RAB42: variants seen among roughly 807,000 people sequenced by gnomAD.
RAB42 encodes RAB42, member RAS oncogene family.
A neutral mutation model predicts 7.5 loss-of-function variants in RAB42; 4 were observed. That is an observed-to-expected ratio of 0.53 (90% CI 0.26 to 1.22). The LOEUF is 1.22. Ranked by LOEUF, RAB42 falls within the 50% of genes most tolerant of loss-of-function variation. The pLI, the probability that RAB42 is intolerant of heterozygous loss-of-function variation, is 0.13. For synonymous variants in RAB42, 82 were observed against 129.0 expected, an observed-to-expected ratio of 0.64 and a Z score of 2.47; for missense variants, 208 against 281.2, an observed-to-expected ratio of 0.74 and a Z score of 1.86.
At chr1:28,596,170 G>T (rs1190657195), downstream of RAB42, among the ~76,000 whole-genome samples, 1 of 151,680 alleles carries the variant, frequency 6.6e-6, no homozygotes, top group Non-Finnish European at 1.5e-5. Flanking sequence ...GTTTTATTTT[G>T]TGGGGGGTGG....
rs1213213741 is a variant in RAB42, at chr1:28,595,227, A to T, written c.*1110A>T. On this transcript the variant is annotated 3_prime_UTR_variant, in exon 2 of 2. Coordinates refer to ENST00000465518, the MANE Select transcript of RAB42 (RefSeq NM_001193532.3). ...CCTCCCTTCAGGGCAGCTTGTATCC[A>T]AAGTTCATCTCCTGGGGGGCCTTAA... 1 of 166,986 alleles carries T rather than the reference A, an allele frequency of 6.0e-6. No individual in the cohort carries two copies. The highest frequency in any genetic ancestry group is 1.5e-5 in the Non-Finnish European group (1 of 68,120). 10.3% of individuals were successfully genotyped at this position (166,986 alleles called of 1,614,324 possible).
Position 28,593,827 on chromosome 1 carries a change from A to G in RAB42, c.367A>G (p.Ile123Val), listed in dbSNP as rs778486046. Residue 123 changes from isoleucine (I) to valine (V), a missense_variant, in exon 2 of 2, where the codon ATC becomes GTC. By Grantham distance (29) the Ile-to-Val change is conservative (BLOSUM62 3). Coordinates refer to ENST00000465518, the MANE Select transcript of RAB42 (RefSeq NM_001193532.3). ...VMATQGPDKVIFLLVGHKSDL... is the reference protein window; with the variant it reads ...VMATQGPDKVVFLLVGHKSDL... ...GGCCACTCAGGGCCCGGACAAGGTCATCTTCCTGCTGGTTGGCCACAAGAG... is the reference window on the plus strand; with the variant it reads ...GGCCACTCAGGGCCCGGACAAGGTCGTCTTCCTGCTGGTTGGCCACAAGAG... 1.5e-5 allele frequency: 23 copies of G among 1,576,934 alleles called. No individual in the cohort carries two copies. The highest frequency in any genetic ancestry group is 2.0e-5 in the Non-Finnish European group (23 of 1,161,644).
chr1:28,595,293 C>T lies in RAB42; in HGVS notation c.*1176C>T, dbSNP rs1666415478. The T allele has an allele frequency of 6.0e-6, 1 of 167,090 alleles. No homozygotes were observed. The highest frequency in any genetic ancestry group is 2.1e-4 in the South Asian group (1 of 4,804). The allele number at this position is 167,090 out of a possible 1,614,324, so 10.4% of individuals were successfully genotyped here. A position where few individuals can be genotyped will look rare whatever the true frequency, so the allele number is the denominator to read the frequency against. On this transcript the variant is annotated 3_prime_UTR_variant, in exon 2 of 2. Transcript: ENST00000465518. ...CCCAGCTCTGGACAACTCTGAAAGT[C>T]AAAACCAACTTTATCAGTCTCTGTG... is the stretch of plus-strand genomic sequence containing the variant.
chr1:28,593,355 C>T (rs1017720963), intron 1 of RAB42, among the ~76,000 whole-genome samples: 1 of 152,142 alleles, frequency 6.6e-6, no homozygotes, highest in Non-Finnish European at 1.5e-5. Context: ...AGGCGCCCGC[C>T]ACCACGCCCG....
chr1:28,593,998 G>A lies in RAB42; in HGVS notation c.538G>A (p.Ala180Thr), dbSNP rs750123180. Residue 180 changes from alanine (A) to threonine (T), a missense_variant, in exon 2 of 2, where the codon GCC (alanine) becomes ACC (threonine). By Grantham distance (58) the Ala-to-Thr change is moderately conservative. Transcript: ENST00000465518. ...FDTLADAIQQALQQGDIKLEE... is the reference protein window; with the variant it reads ...FDTLADAIQQTLQQGDIKLEE... ...CACCCTCGCTGATGCTATCCAGCAG[G>A]CCCTGCAGCAGGGGGACATCAAGCT... 3 of 1,613,952 alleles carry A rather than the reference G, an allele frequency of 1.9e-6. No individual in the cohort carries two copies. The highest frequency in any genetic ancestry group is 2.2e-5 in the East Asian group (1 of 44,866).
Position 28,592,316 on chromosome 1 carries a change from T to C in RAB42, c.-196T>C, listed in dbSNP as rs1295534167. 5.1e-6 allele frequency: 1 copy of C among 195,456 alleles called. No homozygotes were observed. Among genetic ancestry groups the C allele is most frequent in the Non-Finnish European group, 1.0e-5 (1 of 97,618 alleles). 12.1% of individuals were successfully genotyped at this position (195,456 alleles called of 1,614,324 possible). Reference sequence around the variant, plus strand: ...GTAGGGGTCATCATTAGCCCCCTTTTACAGAGGAGAGAATTGAGGCTTCGA... The same window carrying C: ...GTAGGGGTCATCATTAGCCCCCTTTCACAGAGGAGAGAATTGAGGCTTCGA... On this transcript the variant is annotated 5_prime_UTR_variant, in exon 1 of 2. Coordinates refer to ENST00000465518, the MANE Select transcript of RAB42 (RefSeq NM_001193532.3). The surrounding 1 kb of genome is among the most constrained non-coding windows in gnomAD (Gnocchi z 4.1).
chr1:28,592,667 C>T lies in RAB42; in HGVS notation c.156C>T (p.Tyr52=). 8.1e-7 allele frequency: 1 copy of T among 1,228,330 alleles called. No homozygotes were observed. The highest frequency in any genetic ancestry group is 1.0e-6 in the Non-Finnish European group (1 of 985,834). The allele number at this position is 1,228,330 out of a possible 1,614,324, so 76.1% of individuals were successfully genotyped here. A position where few individuals can be genotyped will look rare whatever the true frequency, so the allele number is the denominator to read the frequency against. ...AGCCCACGGTGGGCGCCGAGTGCTA[C>T]CGCCGCGCGCTGCAGCTGCGGGCCG... The part of the protein sequence containing the change: ...EPEPTVGAEC[Y]RRALQLRAGP... Residue 52 remains tyrosine, a synonymous_variant, in exon 1 of 2, where the codon TAC becomes TAT. Transcript: ENST00000465518. The surrounding 1 kb of genome is among the most constrained non-coding windows in gnomAD (Gnocchi z 4.1).
Position 28,593,682 on chromosome 1 carries a change from C to T in RAB42, c.234-12C>T, listed in dbSNP as rs1666369349. The T allele has an allele frequency of 2.6e-6, 4 of 1,526,030 alleles. No individual in the cohort carries two copies. The highest frequency in any genetic ancestry group is 3.5e-6 in the Non-Finnish European group (4 of 1,131,956). 94.5% of individuals were successfully genotyped at this position (1,526,030 alleles called of 1,614,324 possible). ...TCTCCCAGCTTACCTTTCCACCTCC[C>T]TGCCTCCCCAGGTGCATCACCAGGT... On this transcript the variant is annotated splice_polypyrimidine_tract_variant and intron_variant, in intron 1 of 1. Transcript: ENST00000465518.
Position 28,594,037 on chromosome 1 carries a change from G to C in RAB42, c.577G>C (p.Gly193Arg), listed in dbSNP as rs1306538269. ...GGACATCAAGCTAGAAGAGGGCTGG[G>C]GGGGTGTCCGGCTCATCCACAAGAC... Reference protein sequence around the residue: ...QGDIKLEEGWGGVRLIHKTQI... With the variant: ...QGDIKLEEGWRGVRLIHKTQI... The change falls in exon 2 of 2, where the codon GGG (glycine) becomes CGG (arginine). Residue 193 changes from glycine (G) to arginine (R), a missense_variant. By Grantham distance (125) the Gly-to-Arg change is moderately radical. Coordinates refer to ENST00000465518, the MANE Select transcript of RAB42 (RefSeq NM_001193532.3). 1 of 1,613,860 alleles carries C rather than the reference G, an allele frequency of 6.2e-7. No individual in the cohort carries two copies. The highest frequency in any genetic ancestry group is 8.5e-7 in the Non-Finnish European group (1 of 1,179,808).
At position 28,592,971 on chromosome 1, in the gene RAB42, T is replaced by G. The variant is rs1468461959; in HGVS notation, c.233+227T>G. Among the ~76,000 whole-genome samples the G allele has an allele frequency of 6.6e-6, 1 of 152,090 alleles. No individual in the cohort carries two copies. Among genetic ancestry groups the G allele is most frequent in the Non-Finnish European group, 1.5e-5 (1 of 68,014 alleles). On this transcript the variant is annotated intron_variant, in intron 1 of 1. Transcript: ENST00000465518. The surrounding 1 kb of genome is among the most constrained non-coding windows in gnomAD (Gnocchi z 4.1). ...CCCAGAGACCAGGAACATCCCTGGC[T>G]TTGAGCTCTGGACTCTGGAGAGATG...
rs920862183 is a variant in RAB42 at position 28,594,743 on chromosome 1, G to A, written c.*626G>A. The A allele has an allele frequency of 2.4e-5, 4 of 167,106 alleles. No homozygotes were observed. Among genetic ancestry groups the A allele is most frequent in the Non-Finnish European group, 4.4e-5 (3 of 68,146 alleles). 10.4% of individuals were successfully genotyped at this position (167,106 alleles called of 1,614,324 possible). A position where few individuals can be genotyped will look rare whatever the true frequency, so the allele number is the denominator to read the frequency against. On this transcript the variant is annotated 3_prime_UTR_variant, in exon 2 of 2. Coordinates refer to ENST00000465518, the MANE Select transcript of RAB42 (RefSeq NM_001193532.3). ...GACAGGATGTGCTCACCCAGAGCCT[G>A]CCGCGCTGTGAATTGAATGACAAAA...
chr1:28,592,689 G>A lies in RAB42; in HGVS notation c.178G>A (p.Ala60Thr). ...ECYRRALQLR[A>T]GPRVKLQLWD... ...CTACCGCCGCGCGCTGCAGCTGCGG[G>A]CCGGGCCGCGGGTCAAGCTGCAACT... Residue 60 changes from alanine to threonine, a missense_variant, in exon 1 of 2, where the codon GCC (alanine) becomes ACC (threonine). Transcript: ENST00000465518. The surrounding 1 kb of genome is among the most constrained non-coding windows in gnomAD (Gnocchi z 4.1). The A allele has an allele frequency of 8.1e-7, 1 of 1,229,746 alleles. No homozygotes were observed. 76.2% of individuals were successfully genotyped at this position (1,229,746 alleles called of 1,614,324 possible).
At position 28,594,464 on chromosome 1, in the gene RAB42, A is replaced by G. The variant is rs1666395748; in HGVS notation, c.*347A>G. The stretch of plus-strand genomic sequence containing the variant: ...GTGGTGCATGCCTGTAATCCCAGTT[A>G]CTCCAGAGGCTAAGGCAGGAGAATT... On this transcript the variant is annotated 3_prime_UTR_variant, in exon 2 of 2. Transcript: ENST00000465518. The G allele has an allele frequency of 5.1e-6, 1 of 196,552 alleles. No individual in the cohort carries two copies. Among genetic ancestry groups the G allele is most frequent in the Non-Finnish European group, 1.1e-5 (1 of 93,008 alleles). The allele number at this position is 196,552 out of a possible 1,614,324, so 12.2% of individuals were successfully genotyped here.
At chr1:28,593,637 G>T in intron 1 of RAB42, 57 bp from the exon 2 acceptor site, 6 of 1,468,196 alleles carry the variant, frequency 4.1e-6, no homozygotes, top group Non-Finnish European at 5.4e-6. Context: ...GCCTCTGGGG[G>T]TGTCATGGAG....
chr1:28,595,483 G>C (rs1666418440), downstream of RAB42: 1 of 166,332 alleles, frequency 6.0e-6, no homozygotes, highest in Non-Finnish European at 1.5e-5. Context: ...CCTAACCTAT[G>C]ATGGGAACTG....
At chr1:28,593,505 C>T (rs571420224) in intron 1 of RAB42, among the ~76,000 whole-genome samples, 189 bp from the exon 2 acceptor site, 1 of 152,316 alleles carries the variant, frequency 6.6e-6, no homozygotes, top group East Asian at 1.9e-4. Context: ...AGCCACCGCA[C>T]CCGGCCAGCA....
downstream of RAB42, chr1:28,595,564 A>T (rs1424103225): frequency 6.5e-6 from 1 of 154,210 alleles, no homozygotes; most frequent in Non-Finnish European, 1.5e-5. Flanking sequence ...GTTAGGCCGA[A>T]TCTCAGCAGG....
In RAB42 at chr1:28,592,777, G is replaced by A; in HGVS notation, c.233+33G>A. On this transcript the variant is annotated intron_variant, in intron 1 of 1. Transcript: ENST00000465518. The surrounding 1 kb of genome is among the most constrained non-coding windows in gnomAD (Gnocchi z 4.1). ...TAGCCGGGGCGCGGGAGGGACTTCT[G>A]GTGGGGGGCTCGGTGAGCGTGCTTT... The A allele has an allele frequency of 9.3e-7, 1 of 1,077,370 alleles. No homozygotes were observed. The highest frequency in any genetic ancestry group is 1.2e-6 in the Non-Finnish European group (1 of 847,222). 66.7% of individuals were successfully genotyped at this position (1,077,370 alleles called of 1,614,324 possible).
chr1:28,594,303 G>GC lies in RAB42; in HGVS notation c.*186_*187insC. On this transcript the variant is annotated 3_prime_UTR_variant, in exon 2 of 2. Transcript: ENST00000465518. ...AAAGAAAGTTCTGATGGCCAGGCAT[G>GC]GTGGCTCACGCCTGTAATCCTAGCA... 4.7e-6 allele frequency: 3 copies of GC among 640,236 alleles called. No individual in the cohort carries two copies. Among genetic ancestry groups the GC allele is most frequent in the Non-Finnish European group, 7.9e-6 (3 of 381,136 alleles). The allele number at this position is 640,236 out of a possible 1,614,324, so 39.7% of individuals were successfully genotyped here.
Sources: gnomAD v4.1 joint callset for allele counts (sites outside exome capture counted in the v4.1 genomes callset) on GRCh38, gnomAD v4.1.1 for gene constraint, Gnocchi (gnomAD v3.1) non-coding constraint, MANE v1.5 for transcripts, NCBI Gene and HGNC (gene_info 2026-07-23, HGNC 2026-07-21) for gene names.